The following SPATA17 variants were observed in gnomAD, a reference collection of about 807,000 sequenced individuals.
The protein encoded by SPATA17 is spermatogenesis-associated protein 17.
In SPATA17, 53 loss-of-function variants were observed where a neutral mutation model predicts 62.2. That is an observed-to-expected ratio of 0.85 (90% confidence interval 0.68 to 1.07). The LOEUF is 1.07. Ranked by LOEUF, SPATA17 falls within the 50% of genes least tolerant of loss-of-function variation. The pLI is 0.00. For missense variants in SPATA17, 466 were observed against 425.5 expected, an observed-to-expected ratio of 1.10 and a Z score of -0.84; for synonymous variants, 146 against 146.8, an observed-to-expected ratio of 0.99 and a Z score of 0.04.
intron 9 of SPATA17, among the ~76,000 whole-genome samples, chr1:217,827,982 A>G (rs1222684316): frequency 6.6e-6 from 1 of 152,144 alleles, no homozygotes; most frequent in Non-Finnish European, 1.5e-5. Flanking sequence ...ACCACAGGGC[A>G]CACGTTTACC....
At chr1:217,696,272 C>G (rs1571737708) in intron 5 of SPATA17, among the ~76,000 whole-genome samples, 1 of 152,202 alleles carries the variant, frequency 6.6e-6, no homozygotes, top group Admixed American at 6.5e-5. Context: ...GCGTCCGTCA[C>G]CCCTTTCTTT....
chr1:217,736,853 G>T (rs1217075297), intron 5 of SPATA17, among the ~76,000 whole-genome samples: 1 of 152,140 alleles, frequency 6.6e-6, no homozygotes, highest in Non-Finnish European at 1.5e-5. Flanking sequence ...AGACATTTGT[G>T]GTGGCAAATG....
chr1:217,860,030 G>A (rs762489172), intron 9 of SPATA17, among the ~76,000 whole-genome samples: 6 of 152,004 alleles, frequency 3.9e-5, no homozygotes, highest in Admixed American at 6.6e-5. Flanking sequence ...TCTAGTATAT[G>A]CATTTAGTGC....
chr1:217,674,893 G>C (rs1670913258), intron 4 of SPATA17, among the ~76,000 whole-genome samples: 1 of 152,190 alleles, frequency 6.6e-6, no homozygotes, highest in Admixed American at 6.5e-5. Flanking sequence ...GCACAGGATA[G>C]GGGAGAGGGG....
At chr1:217,823,238 A>C (rs911828160) in intron 9 of SPATA17, among the ~76,000 whole-genome samples, 8 of 151,874 alleles carry the variant, frequency 5.3e-5, no homozygotes, top group African/African-American at 1.9e-4. Context: ...TCAGGGTCCA[A>C]ACCTACAAGA....
chr1:217,744,620 A>G (rs577425749), intron 6 of SPATA17, among the ~76,000 whole-genome samples: 1 of 152,274 alleles, frequency 6.6e-6, no homozygotes, highest in East Asian at 1.9e-4. Context: ...TTTATACCAT[A>G]TAAGCTGCTG....
intron 5 of SPATA17, among the ~76,000 whole-genome samples, chr1:217,684,652 G>A (rs1283037273): frequency 6.6e-6 from 1 of 152,108 alleles, no homozygotes; most frequent in East Asian, 1.9e-4. Context: ...CTGACCTCAG[G>A]TGATCTGCCC....
chr1:217,840,966 CAT>C (rs1402914068), intron 9 of SPATA17, among the ~76,000 whole-genome samples: 2 of 151,814 alleles, frequency 1.3e-5, no homozygotes, highest in African/African-American at 2.4e-5. Context: ...TATGTATAGA[CAT>C]GTACATATCG....
chr1:217,838,643 A>T (rs1305830879), intron 9 of SPATA17, among the ~76,000 whole-genome samples: 1 of 152,122 alleles, frequency 6.6e-6, no homozygotes, highest in Non-Finnish European at 1.5e-5. Context: ...GCCCAAAGAC[A>T]AAAAGAAATC....
In SPATA17 at chr1:217,749,985, C is replaced by CTCTCTCTCTATATA; in HGVS notation, c.519+7888_519+7889insCTCTCTCTATATAT. Among the ~76,000 whole-genome samples, 25 of 12,310 alleles carry CTCTCTCTCTATATA rather than the reference C, an allele frequency of 2.0e-3. 2 individuals carry two copies. Among genetic ancestry groups the CTCTCTCTCTATATA allele is most frequent in the Non-Finnish European group, 2.4e-3 (15 of 6,334 alleles). 8.1% of individuals were successfully genotyped at this position (12,310 alleles called of 152,430 possible). On this transcript the variant is annotated intron_variant, in intron 6 of 10. Transcript: ENST00000366933. ...TCTCTCTCTCTCTCTCTCTCTCTCT[C>CTCTCTCTCTATATA]TATATATATATATATATATATATAT...
At chr1:217,795,064 A>G (rs1332587822) in intron 8 of SPATA17, among the ~76,000 whole-genome samples, 1 of 152,214 alleles carries the variant, frequency 6.6e-6, no homozygotes, top group Non-Finnish European at 1.5e-5. Flanking sequence ...TACTATGAAC[A>G]TGATTTTCCA....
chr1:217,784,380 T>C (rs1259158346), intron 8 of SPATA17, among the ~76,000 whole-genome samples: 3 of 152,098 alleles, frequency 2.0e-5, no homozygotes, highest in African/African-American at 7.2e-5. Context: ...ACTCAAAGGG[T>C]AGCATTATAT....
chr1:217,786,783 C>A (rs1312010319), intron 8 of SPATA17, among the ~76,000 whole-genome samples: 5 of 150,038 alleles, frequency 3.3e-5, no homozygotes, highest in African/African-American at 9.8e-5. Flanking sequence ...TCTTCTTCTT[C>A]TTCTTCTTCT....
chr1:217,852,647 A>G (rs796623332), intron 9 of SPATA17, among the ~76,000 whole-genome samples: 1 of 152,334 alleles, frequency 6.6e-6, no homozygotes, highest in African/African-American at 2.4e-5. Flanking sequence ...TCCCAAATGC[A>G]TTAACAGGTT....
chr1:217,713,539 A>G (rs1287333892), intron 5 of SPATA17, among the ~76,000 whole-genome samples: 4 of 152,172 alleles, frequency 2.6e-5, no homozygotes, highest in Non-Finnish European at 5.9e-5. Flanking sequence ...TATGGAGGGA[A>G]TAGATTCTCC....
At chr1:217,772,821 A>G (rs926043509) in intron 6 of SPATA17, among the ~76,000 whole-genome samples, 3 of 152,244 alleles carry the variant, frequency 2.0e-5, no homozygotes, top group Non-Finnish European at 4.4e-5. Flanking sequence ...GAAGACATAC[A>G]TGCAAATATA....
rs185178677 is a variant in SPATA17, at chr1:217,744,545, T to C, written c.519+2447T>C. The stretch of plus-strand genomic sequence containing the variant: ...ATAGACCTTAATGGATTTTCAGGTA[T>C]TACCATTGTGTTTTAAGTATATTTG... On this transcript the variant is annotated intron_variant, in intron 6 of 10. Coordinates refer to ENST00000366933, the MANE Select transcript of SPATA17 (RefSeq NM_138796.4). Among the ~76,000 whole-genome samples the C allele has an allele frequency of 1.5e-3, 229 of 152,062 alleles. 2 individuals carry two copies. The highest frequency in any genetic ancestry group is 5.2e-3 in the African/African-American group (217 of 41,476).
intron 5 of SPATA17, among the ~76,000 whole-genome samples, chr1:217,694,372 G>C (rs938806478): frequency 6.9e-6 from 1 of 145,646 alleles, no homozygotes; most frequent in African/African-American, 2.6e-5. Flanking sequence ...CTTTTATTTT[G>C]AGCCTATGTA....
chr1:217,777,077 C>T (rs974174776), intron 7 of SPATA17, among the ~76,000 whole-genome samples: 1 of 152,148 alleles, frequency 6.6e-6, no homozygotes, highest in African/African-American at 2.4e-5. Flanking sequence ...TAGAGCCTGC[C>T]TTTTATACCC....
Sources: gnomAD v4.1 joint callset for allele counts (sites outside exome capture counted in the v4.1 genomes callset) on GRCh38, gnomAD v4.1.1 for gene constraint, MANE v1.5 for transcripts, NCBI Gene and HGNC (gene_info 2026-07-23, HGNC 2026-07-21) for gene names.